The following PSORS1C1 variants were observed in gnomAD, a reference collection of about 807,000 sequenced individuals.
PSORS1C1 encodes the protein psoriasis susceptibility 1 candidate gene 1 protein.
A neutral mutation model predicts 9.4 loss-of-function variants in PSORS1C1; 7 were observed. The ratio of observed to expected loss-of-function variants is 0.75; its 90% CI spans 0.42 to 1.40. The LOEUF is 1.40. Ranked by LOEUF, PSORS1C1 falls within the 40% of genes most tolerant of loss-of-function variation. PSORS1C1 has a pLI of 0.01. For missense variants in PSORS1C1, 146 were observed against 178.1 expected, an observed-to-expected ratio of 0.82 and a Z score of 1.02; for synonymous variants, 63 against 69.4, an observed-to-expected ratio of 0.91 and a Z score of 0.46.
At chr6:31,124,899 C>T (rs377173204) in intron 1 of PSORS1C1, among the ~76,000 whole-genome samples, 226 of 152,034 alleles carry the variant, frequency 1.5e-3, no homozygotes, top group Non-Finnish European at 2.1e-3. Context: ...ACCGGCGAGG[C>T]GGAGGCTGCA....
At chr6:31,129,680 G>C (rs1231652765) in intron 3 of PSORS1C1, 35 bp downstream of exon 3, 3 of 779,628 alleles carry the variant, frequency 3.8e-6, no homozygotes, top group Non-Finnish European at 7.2e-6. Flanking sequence ...TTCCTCTTCT[G>C]TGAAATGGGG....
At chr6:31,122,335 G>A (rs1772498415) in intron 1 of PSORS1C1, among the ~76,000 whole-genome samples, 1 of 152,164 alleles carries the variant, frequency 6.6e-6, no homozygotes, top group Non-Finnish European at 1.5e-5. Context: ...TCCACTGGGG[G>A]AGACAAATAG....
chr6:31,121,157 G>A (rs990550998), intron 1 of PSORS1C1, among the ~76,000 whole-genome samples: 6 of 135,748 alleles, frequency 4.4e-5, no homozygotes, highest in Non-Finnish European at 7.8e-5. Context: ...CTCTGGGGAC[G>A]GCATGGTGGC....
At chr6:31,120,777 G>T (rs1017212823) in intron 1 of PSORS1C1, among the ~76,000 whole-genome samples, 1 of 152,136 alleles carries the variant, frequency 6.6e-6, no homozygotes, top group African/African-American at 2.4e-5. Context: ...CAGCTGCCTG[G>T]CTCCTTAACT....
intron 1 of PSORS1C1, chr6:31,117,158 AGCT>A (rs1184393171): frequency 1.2e-6 from 2 of 1,606,218 alleles, no homozygotes; most frequent in South Asian, 2.2e-5. Context: ...CTCGAATGAG[AGCT>A]GCTGCTTCCC....
At chr6:31,137,831 G>A in intron 3 of PSORS1C1, 1 of 471,826 alleles carries the variant, frequency 2.1e-6, no homozygotes, top group South Asian at 5.4e-5. Flanking sequence ...TAAAACCGAG[G>A]GAATGAGGAA....
chr6:31,139,214 T>C lies in PSORS1C1; in HGVS notation c.168-427T>C, dbSNP rs1773322942. 3 of 597,100 alleles carry C rather than the reference T, an allele frequency of 5.0e-6. No homozygotes were observed. In the Admixed American group the frequency reaches 8.9e-5, roughly 18 times the overall value. 37.0% of individuals were successfully genotyped at this position (597,100 alleles called of 1,614,324 possible). A position where few individuals can be genotyped will look rare whatever the true frequency, so the allele number is the denominator to read the frequency against. On this transcript the variant is annotated intron_variant, in intron 5 of 5. Coordinates refer to ENST00000259881, the MANE Select transcript of PSORS1C1 (RefSeq NM_014068.3). The surrounding 1 kb of genome is among the most constrained non-coding windows in gnomAD (Gnocchi z 5.2). ...TCACCCCTGAAGGTGGCGTCCCTTA[T>C]TTTAGTCCTCCAGCCCAGGACCCAG...
At chr6:31,120,823 T>A (rs1292082070) in intron 1 of PSORS1C1, among the ~76,000 whole-genome samples, 1 of 152,126 alleles carries the variant, frequency 6.6e-6, no homozygotes, top group Non-Finnish European at 1.5e-5. Context: ...TCTCTCCATC[T>A]GCCCTCCACT....
At chr6:31,116,913 C>A (rs570168104) in intron 1 of PSORS1C1, 10 of 1,613,948 alleles carry the variant, frequency 6.2e-6, no homozygotes, top group Non-Finnish European at 7.6e-6. Flanking sequence ...GGCCGGAGTG[C>A]GAGACGATGG....
intron 1 of PSORS1C1, chr6:31,117,181 C>T: frequency 6.2e-7 from 1 of 1,611,966 alleles, no homozygotes; most frequent in Non-Finnish European, 8.5e-7. Context: ...CGAGTGAGAG[C>T]CGCTGTTTCC....
intron 3 of PSORS1C1, among the ~76,000 whole-genome samples, chr6:31,134,919 C>T (rs1225411056): frequency 1.3e-5 from 2 of 152,068 alleles, no homozygotes; most frequent in Non-Finnish European, 2.9e-5. Context: ...CAGGGTCAAG[C>T]AATCTTCCCA....
At chr6:31,135,734 A>C (rs1255370321) in intron 3 of PSORS1C1, among the ~76,000 whole-genome samples, 1 of 152,204 alleles carries the variant, frequency 6.6e-6, no homozygotes, top group Non-Finnish European at 1.5e-5. Flanking sequence ...GAATATTCAC[A>C]AGGATTAAAC....
chr6:31,120,467 G>T (rs772997751), intron 1 of PSORS1C1: 2 of 1,440,340 alleles, frequency 1.4e-6, no homozygotes, highest in African/African-American at 2.8e-5. Flanking sequence ...GGACACCCGG[G>T]TCCTTTATGC....
At chr6:31,123,149 A>G (rs1175868275) in intron 1 of PSORS1C1, among the ~76,000 whole-genome samples, 1 of 152,138 alleles carries the variant, frequency 6.6e-6, no homozygotes, top group Non-Finnish European at 1.5e-5. Context: ...CCAGGTCTCC[A>G]GCCGCCCACG....
Position 31,139,263 on chromosome 6 carries a change from C to A in PSORS1C1, c.168-378C>A. The A allele has an allele frequency of 1.7e-6, 1 of 585,528 alleles. No homozygotes were observed. Among genetic ancestry groups the A allele is most frequent in the Non-Finnish European group, 3.0e-6 (1 of 329,172 alleles). The allele number at this position is 585,528 out of a possible 1,614,324, so 36.3% of individuals were successfully genotyped here. On this transcript the variant is annotated intron_variant, in intron 5 of 5. Coordinates refer to ENST00000259881, the MANE Select transcript of PSORS1C1 (RefSeq NM_014068.3). This position sits in a 1 kb window ranked among gnomAD's most constrained non-coding sequence, Gnocchi z 5.2. Reference sequence around the variant, plus strand: ...AGCTGCCTGCTCTCCCTATCATGACCCAGAGCCTGCGTCACCCCACCCTGG... The same window carrying A: ...AGCTGCCTGCTCTCCCTATCATGACACAGAGCCTGCGTCACCCCACCCTGG...
intron 1 of PSORS1C1, among the ~76,000 whole-genome samples, chr6:31,120,800 G>A (rs972446634): frequency 1.3e-5 from 2 of 152,078 alleles, no homozygotes; most frequent in Non-Finnish European, 2.9e-5. Flanking sequence ...CCTGCCTACC[G>A]TAGCTTGGCC....
chr6:31,117,315 AC>A (rs1404039457), intron 1 of PSORS1C1: 2 of 1,583,316 alleles, frequency 1.3e-6, no homozygotes, highest in Non-Finnish European at 1.7e-6. Context: ...CTGCAGAACC[AC>A]CCTGGGCAAT....
At position 31,138,680 on chromosome 6, in the gene PSORS1C1, G is replaced by A. The variant is rs762793587; in HGVS notation, c.68G>A (p.Gly23Glu). ...GGCACACAGACCCCAGCTTTACAAGGACCCCAGCTCCTTAACACAGATCCC... is the reference window on the plus strand; with the variant it reads ...GGCACACAGACCCCAGCTTTACAAGAACCCCAGCTCCTTAACACAGATCCC... ...ALGTQTPALQ[G>E]PQLLNTDPSS... Residue 23 changes from glycine to glutamate, a missense_variant, in exon 5 of 6, where the codon GGA becomes GAA. Coordinates refer to ENST00000259881, the MANE Select transcript of PSORS1C1 (RefSeq NM_014068.3). 6.2e-7 allele frequency: 1 copy of A among 1,613,130 alleles called. No homozygotes were observed. Among genetic ancestry groups the A allele is most frequent in the African/African-American group, 1.3e-5 (1 of 74,762 alleles).
chr6:31,131,677 T>A (rs1179005526), intron 3 of PSORS1C1, among the ~76,000 whole-genome samples: 1 of 151,376 alleles, frequency 6.6e-6, no homozygotes, highest in South Asian at 2.1e-4. Context: ...CAGACCTAAA[T>A]TGAAATCCCA....
Sources: allele counts gnomAD v4.1 joint callset (sites outside exome capture counted in the v4.1 genomes callset), GRCh38; gene constraint gnomAD v4.1.1; non-coding constraint Gnocchi (gnomAD v3.1); transcripts MANE v1.5; gene names NCBI Gene and HGNC (gene_info 2026-07-23, HGNC 2026-07-21).